VPS13C: variants seen among roughly 807,000 people sequenced by gnomAD.
VPS13C encodes intermembrane lipid transfer protein VPS13C.
VPS13C carries 358 observed loss-of-function variants against 456.8 expected under a neutral mutation model. That is an observed-to-expected ratio of 0.78 (90% CI 0.72 to 0.86). The LOEUF is 0.86. Among genes scored for constraint, VPS13C ranks in the 40% least tolerant of loss-of-function variants. The pLI is 0.00. For synonymous variants in VPS13C, 1,578 were observed against 1,486.7 expected, an observed-to-expected ratio of 1.06 and a Z score of -1.41; for missense variants, 4,818 against 4,385.4, an observed-to-expected ratio of 1.10 and a Z score of -2.79.
chr15:61,953,099 T>C (rs2044859272), intron 38 of VPS13C, among the ~76,000 whole-genome samples: 1 of 152,040 alleles, frequency 6.6e-6, no homozygotes, highest in African/African-American at 2.4e-5. Flanking sequence ...AAAACGGATC[T>C]TAGAGGAAGT....
chr15:62,045,481 T>C (rs949523242), intron 1 of VPS13C, among the ~76,000 whole-genome samples: 1 of 151,962 alleles, frequency 6.6e-6, no homozygotes, highest in African/African-American at 2.4e-5. Context: ...TAGATAAGTG[T>C]GAGTAAGGCA....
chr15:61,955,331 G>C (rs1438473216), intron 37 of VPS13C, among the ~76,000 whole-genome samples: 2 of 152,054 alleles, frequency 1.3e-5, no homozygotes, highest in Non-Finnish European at 2.9e-5. Flanking sequence ...TCAGTCCCTT[G>C]CTCAGTGTCG....
In VPS13C at chr15:61,990,640, G is replaced by T. The variant is rs564911096; in HGVS notation, c.1578+360C>A. ...AGCCTGGTCAACATGGCAAAACCTC[G>T]TCTCCACTAAAAACACAAAAATTAG... On this transcript the variant is annotated intron_variant, in intron 18 of 84. Transcript: ENST00000644861. Among the ~76,000 whole-genome samples the T allele has an allele frequency of 1.5e-4, 23 of 151,990 alleles. No individual in the cohort carries two copies. In the South Asian group the frequency reaches 4.6e-3, roughly 30 times the overall value.
chr15:62,038,858 A>G (rs1168597611), intron 3 of VPS13C, among the ~76,000 whole-genome samples: 4 of 152,214 alleles, frequency 2.6e-5, no homozygotes, highest in Non-Finnish European at 5.9e-5. Context: ...AATGTTCAAC[A>G]TAACTAATTA....
chr15:62,014,677 A>T (rs2047166408), intron 9 of VPS13C, among the ~76,000 whole-genome samples: 1 of 152,196 alleles, frequency 6.6e-6, no homozygotes. Context: ...GAGCCAGACA[A>T]TGTGCCAAAA....
At chr15:61,987,897 A>C (rs1410096138) in intron 18 of VPS13C, among the ~76,000 whole-genome samples, 5 of 152,196 alleles carry the variant, frequency 3.3e-5, no homozygotes, top group Non-Finnish European at 5.9e-5. Context: ...ACTCAAGAGA[A>C]GTAAAAACAT....
chr15:61,891,168 C>T (rs1215466096), intron 66 of VPS13C, among the ~76,000 whole-genome samples: 1 of 152,146 alleles, frequency 6.6e-6, no homozygotes, highest in African/African-American at 2.4e-5. Context: ...ATATGTAGCA[C>T]TTAAAAATAT....
In VPS13C at chr15:61,927,252, T is replaced by G; in HGVS notation, c.6355A>C (p.Ser2119Arg). The G allele has an allele frequency of 1.2e-6, 2 of 1,614,214 alleles. No individual in the cohort carries two copies. Among genetic ancestry groups the G allele is most frequent in the Non-Finnish European group, 1.7e-6 (2 of 1,180,028 alleles). ...GCAGGAGCATCAGCCTTTGTCAGGCTGGCAACAAATACCACTTCTGGATCT... is the reference window on the plus strand; with the variant it reads ...GCAGGAGCATCAGCCTTTGTCAGGCGGGCAACAAATACCACTTCTGGATCT... ...ITDPEVVFVA[S>R]LTKADAPALT... The change falls in exon 52 of 85, where the codon AGC becomes CGC. Residue 2119 changes from serine to arginine, a missense_variant. By Grantham distance (110) the Ser-to-Arg change is moderately radical. Transcript: ENST00000644861.
At chr15:62,006,823 T>A (rs1326208500) in intron 15 of VPS13C, among the ~76,000 whole-genome samples, 1 of 152,206 alleles carries the variant, frequency 6.6e-6, no homozygotes, top group Non-Finnish European at 1.5e-5. Context: ...GGTATCTCAT[T>A]GTGGTTTTGA....
At chr15:62,050,501 T>C (rs1475469283) in intron 1 of VPS13C, among the ~76,000 whole-genome samples, 5 of 152,122 alleles carry the variant, frequency 3.3e-5, no homozygotes, top group Non-Finnish European at 5.9e-5. Context: ...TTTTAAGAAA[T>C]ATACTAAAAG....
intron 18 of VPS13C, among the ~76,000 whole-genome samples, chr15:61,986,524 T>C (rs1408087255): frequency 6.6e-6 from 1 of 152,106 alleles, no homozygotes; most frequent in Non-Finnish European, 1.5e-5. Flanking sequence ...AAGATCCCAC[T>C]ATGTACATTA....
At chr15:61,935,757 T>C (rs2140239035) in intron 48 of VPS13C, 1 of 152,356 alleles carries the variant, frequency 6.6e-6, no homozygotes. Flanking sequence ...TCTAGTCATT[T>C]GTTTGTGTGA....
At chr15:61,930,780 T>A (rs577149210) in intron 50 of VPS13C, among the ~76,000 whole-genome samples, 26 of 152,240 alleles carry the variant, frequency 1.7e-4, no homozygotes, top group Admixed American at 3.9e-4. Flanking sequence ...AAATTCTGCC[T>A]ACTGGGAATA....
intron 47 of VPS13C, among the ~76,000 whole-genome samples, chr15:61,939,047 T>C (rs1020122418): frequency 2.0e-5 from 3 of 152,260 alleles, no homozygotes; most frequent in Non-Finnish European, 2.9e-5. Flanking sequence ...TTGTTTGATA[T>C]AGTTCTATTT....
At chr15:61,984,796 A>G in intron 19 of VPS13C, 61 bp downstream of exon 19, 1 of 1,526,168 alleles carries the variant, frequency 6.6e-7, no homozygotes, top group East Asian at 2.4e-5. Context: ...TGAATAACAC[A>G]CATTTTTTGC....
At chr15:62,037,488 GAATATAATAAATTTATTATATTGTA>G (rs2048101558) in intron 3 of VPS13C, among the ~76,000 whole-genome samples, 1 of 102,720 alleles carries the variant, frequency 9.7e-6, no homozygotes, top group Non-Finnish European at 1.8e-5. Flanking sequence ...TATATTGTAA[GAATATAATAAATTTATTATATTGTA>G]AGAATATAAT....
At chr15:61,937,598 G>T (rs575433108) in intron 47 of VPS13C, among the ~76,000 whole-genome samples, 2 of 152,072 alleles carry the variant, frequency 1.3e-5, no homozygotes, top group African/African-American at 4.8e-5. Flanking sequence ...CCTCAACCTC[G>T]TGAGTAGCTA....
In VPS13C at chr15:62,025,147, A is replaced by C. The variant is rs377009814; in HGVS notation, c.449-1302T>G. Among the ~76,000 whole-genome samples, 16 of 152,238 alleles carry C rather than the reference A, an allele frequency of 1.1e-4. No individual in the cohort carries two copies. In the East Asian group the frequency reaches 2.7e-3, roughly 26 times the overall value. Reference sequence around the variant, plus strand: ...AGTACTTATCTGTTCAAATGAATAAAAAAAATTCAGATCCAACTAAATTCA... The same window carrying C: ...AGTACTTATCTGTTCAAATGAATAACAAAAATTCAGATCCAACTAAATTCA... On this transcript the variant is annotated intron_variant, in intron 6 of 84. Transcript: ENST00000644861.
intron 67 of VPS13C, among the ~76,000 whole-genome samples, chr15:61,887,952 T>G (rs993420465): frequency 6.6e-6 from 1 of 152,126 alleles, no homozygotes; most frequent in Non-Finnish European, 1.5e-5. Context: ...AACACACATC[T>G]GATAAAAGAC....
Sources: allele counts gnomAD v4.1 joint callset (sites outside exome capture counted in the v4.1 genomes callset), GRCh38; gene constraint gnomAD v4.1.1; transcripts MANE v1.5; gene names NCBI Gene and HGNC (gene_info 2026-07-23, HGNC 2026-07-21).